Variants in CCDC201 observed in about 807,000 individuals in gnomAD.
CCDC201 encodes coiled-coil domain-containing protein 201.
chr7:45,879,170 T>G, the CCDC201 span, among the ~76,000 whole-genome samples: 6 of 152,242 alleles, frequency 3.9e-5, no homozygotes, highest in African/African-American at 1.4e-4. Flanking sequence ...CTCCTGAGCC[T>G]GGACTTAATT....
chr7:45,878,042 A>G (rs976860499), upstream of CCDC201, among the ~76,000 whole-genome samples: 2 of 152,222 alleles, frequency 1.3e-5, no homozygotes, highest in Non-Finnish European at 2.9e-5. Context: ...GCCCCATGCA[A>G]GTCTGAAACC....
chr7:45,875,664 A>T (rs1444066084), upstream of CCDC201, among the ~76,000 whole-genome samples: 1 of 152,158 alleles, frequency 6.6e-6, no homozygotes, highest in Non-Finnish European at 1.5e-5. Context: ...CATTTTCCAG[A>T]TGGGGAAACT....
the CCDC201 span, among the ~76,000 whole-genome samples, chr7:45,879,441 T>C: frequency 1.3e-5 from 2 of 152,108 alleles, no homozygotes; most frequent in African/African-American, 4.8e-5. Context: ...AGAAAAGAGG[T>C]TTAATCTCTT....
At chr7:45,865,642 GAA>G (rs34563816) in intron 2 of CCDC201, among the ~76,000 whole-genome samples, 15,788 of 152,314 alleles carry the variant, frequency 0.1, 880 homozygotes, top group Admixed American at 0.13. Context: ...CCCCAAAGCT[GAA>G]AGAGTCATCA....
upstream of CCDC201, among the ~76,000 whole-genome samples, chr7:45,873,864 C>T (rs187127279): frequency 2.4e-4 from 36 of 151,092 alleles, no homozygotes; most frequent in East Asian, 7.0e-3. Flanking sequence ...AGTTTTCTAA[C>T]AACCCCAAAG....
At chr7:45,861,179 T>C in exon 3 of CCDC201, 1 of 152,210 alleles carries the variant, frequency 6.6e-6, no homozygotes, top group East Asian at 1.9e-4. Context: ...ACCACGGGAA[T>C]AGTTCTCATG....
At chr7:45,865,982 G>C (rs1786665492) in intron 2 of CCDC201, 54 bp downstream of exon 2, 1 of 153,428 alleles carries the variant, frequency 6.5e-6, no homozygotes, top group African/African-American at 2.4e-5. Flanking sequence ...TCTTCCACAG[G>C]GACCCAGAAC....
chr7:45,882,799 A>C, the CCDC201 span, among the ~76,000 whole-genome samples: 1 of 152,176 alleles, frequency 6.6e-6, no homozygotes, highest in Admixed American at 6.5e-5. Context: ...CCCCGGTTTA[A>C]TACCCTTTTT....
chr7:45,880,968 G>A, the CCDC201 span, among the ~76,000 whole-genome samples: 1 of 152,136 alleles, frequency 6.6e-6, no homozygotes, highest in African/African-American at 2.4e-5. Flanking sequence ...TGGGGGTCAT[G>A]GCATGAGTTC....
At chr7:45,868,114 T>A (rs186278454) in intron 1 of CCDC201, among the ~76,000 whole-genome samples, 1 of 152,216 alleles carries the variant, frequency 6.6e-6, no homozygotes, top group African/African-American at 2.4e-5. Flanking sequence ...GGGTCACCCA[T>A]GAGGCTGTCA....
the CCDC201 span, among the ~76,000 whole-genome samples, chr7:45,883,564 G>C: frequency 6.6e-6 from 1 of 152,150 alleles, no homozygotes; most frequent in South Asian, 2.1e-4. Flanking sequence ...AAGACCACAC[G>C]GAAGCACACA....
chr7:45,874,272 T>A (rs1299779429), upstream of CCDC201, among the ~76,000 whole-genome samples: 1 of 152,228 alleles, frequency 6.6e-6, no homozygotes, highest in Non-Finnish European at 1.5e-5. Flanking sequence ...TGCTGGAGTT[T>A]ACCTAGTGGT....
upstream of CCDC201, among the ~76,000 whole-genome samples, chr7:45,873,387 A>AG (rs1786763617): frequency 6.6e-6 from 1 of 151,244 alleles, no homozygotes; most frequent in Admixed American, 6.6e-5. Flanking sequence ...GCAACTGGAA[A>AG]AAAAAAAAAA....
At chr7:45,882,155 T>C in the CCDC201 span, among the ~76,000 whole-genome samples, 10 of 152,280 alleles carry the variant, frequency 6.6e-5, no homozygotes, top group East Asian at 9.7e-4. Flanking sequence ...TTGACTCTTG[T>C]ATTGTTTTTC....
upstream of CCDC201, among the ~76,000 whole-genome samples, chr7:45,874,034 T>C (rs1205613221): frequency 4.0e-5 from 6 of 151,692 alleles, no homozygotes; most frequent in Non-Finnish European, 8.8e-5. Context: ...ATCCTTCTGC[T>C]TCTGCCTCCC....
At chr7:45,873,300 C>T (rs1583654680), upstream of CCDC201, among the ~76,000 whole-genome samples, 1 of 145,078 alleles carries the variant, frequency 6.9e-6, no homozygotes, top group South Asian at 2.2e-4. Flanking sequence ...CAACAAGCCA[C>T]CTGTGCCAAA....
chr7:45,870,776 G>A lies in CCDC201; in HGVS notation c.18+2214C>T, dbSNP rs944022731. On this transcript the variant is annotated intron_variant, in intron 1 of 2. Transcript: ENST00000636578. Reference sequence around the variant, plus strand: ...CTAGATCACGGGGCGGGCGGGTGGAGGAACAAACCAACAACAACAAAAAAA... The same window carrying A: ...CTAGATCACGGGGCGGGCGGGTGGAAGAACAAACCAACAACAACAAAAAAA... Among the ~76,000 whole-genome samples, 113 of 152,094 alleles carry A rather than the reference G, an allele frequency of 7.4e-4. 1 individual carries two copies. Among genetic ancestry groups the A allele is most frequent in the African/African-American group, 2.6e-3 (109 of 41,482 alleles).
At chr7:45,870,046 A>T (rs1397348659) in intron 1 of CCDC201, among the ~76,000 whole-genome samples, 1 of 152,138 alleles carries the variant, frequency 6.6e-6, no homozygotes, top group African/African-American at 2.4e-5. Flanking sequence ...CGAACAGATG[A>T]CCTCAGGTGA....
chr7:45,866,092 C>T, exon 2 of CCDC201: 1 of 179,184 alleles, frequency 5.6e-6, no homozygotes. Flanking sequence ...TTCAGGATCC[C>T]AGGCAATCCA....
Sources: allele counts gnomAD v4.1 joint callset (sites outside exome capture counted in the v4.1 genomes callset), GRCh38; gene constraint gnomAD v4.1.1; transcripts MANE v1.5; gene names NCBI Gene and HGNC (gene_info 2026-07-23, HGNC 2026-07-21).